Variants in DAB1 observed in about 807,000 individuals in gnomAD.
DAB1 encodes the protein disabled homolog 1.
DAB1 carries 15 observed loss-of-function variants against 64.6 expected under a neutral mutation model. That is an observed-to-expected ratio of 0.23 (90% CI 0.16 to 0.36). The LOEUF (loss-of-function observed/expected upper bound fraction) is 0.36. Among genes scored for constraint, DAB1 ranks in the 10% least tolerant of loss-of-function variants. The pLI, the probability that DAB1 is intolerant of heterozygous loss-of-function variation, is 1.00. For missense variants in DAB1, 596 were observed against 706.7 expected, an observed-to-expected ratio of 0.84 and a Z score of 1.78; for synonymous variants, 235 against 251.9, an observed-to-expected ratio of 0.93 and a Z score of 0.64.
intron 14 of DAB1, among the ~76,000 whole-genome samples, chr1:57,002,052 C>G (rs41286858): frequency 0.013 from 1,913 of 152,310 alleles, 32 homozygotes; most frequent in Middle Eastern, 0.024. Flanking sequence ...AGTAAATGAA[C>G]AGTTCTCTTC....
intron 4 of DAB1, among the ~76,000 whole-genome samples, chr1:58,246,434 A>C (rs1660531689): frequency 6.6e-6 from 1 of 152,230 alleles, no homozygotes; most frequent in African/African-American, 2.4e-5. Flanking sequence ...TGTCACTTTT[A>C]AGATGGATCC....
chr1:58,008,484 A>G (rs1185668921), intron 5 of DAB1, among the ~76,000 whole-genome samples: 1 of 152,124 alleles, frequency 6.6e-6, no homozygotes, highest in Non-Finnish European at 1.5e-5. Flanking sequence ...GTATATAGCA[A>G]TTAACATTAA....
At chr1:58,364,490 G>T (rs1644197211) in intron 3 of DAB1, among the ~76,000 whole-genome samples, 1 of 152,172 alleles carries the variant, frequency 6.6e-6, no homozygotes, top group African/African-American at 2.4e-5. Context: ...AAGGATGGTT[G>T]GTTTGGAACC....
At chr1:57,618,731 A>T (rs1047714562) in intron 7 of DAB1, among the ~76,000 whole-genome samples, 1 of 127,574 alleles carries the variant, frequency 7.8e-6, no homozygotes, top group Admixed American at 8.8e-5. Context: ...TTACACAGAT[A>T]ATAGCATTAC....
At chr1:57,604,273 T>G (rs1558532842) in intron 7 of DAB1, among the ~76,000 whole-genome samples, 1 of 152,228 alleles carries the variant, frequency 6.6e-6, no homozygotes, top group South Asian at 2.1e-4. Context: ...CATCCTCATT[T>G]GTGAAACCGA....
chr1:58,484,337 A>G (rs1179736234), intron 3 of DAB1, among the ~76,000 whole-genome samples: 1 of 152,246 alleles, frequency 6.6e-6, no homozygotes, highest in East Asian at 1.9e-4. Context: ...CACCCAAAAT[A>G]GAATGATCTG....
chr1:57,462,740 T>A (rs1686828060), intron 7 of DAB1, among the ~76,000 whole-genome samples: 1 of 151,652 alleles, frequency 6.6e-6, no homozygotes, highest in Non-Finnish European at 1.5e-5. Flanking sequence ...AACTTAAGAG[T>A]TTTTCAGGTC....
At chr1:58,118,609 CAT>C (rs774322526) in intron 5 of DAB1, among the ~76,000 whole-genome samples, 44,285 of 108,360 alleles carry the variant, frequency 0.41, 9,341 homozygotes, top group East Asian at 0.8. Context: ...TATATATATA[CAT>C]ATATATATAT....
At chr1:57,993,399 A>C (rs1245800091) in intron 5 of DAB1, among the ~76,000 whole-genome samples, 1 of 152,230 alleles carries the variant, frequency 6.6e-6, no homozygotes, top group African/African-American at 2.4e-5. Flanking sequence ...ATCAGTCAGT[A>C]ATCTGCTGCC....
intron 1 of DAB1, among the ~76,000 whole-genome samples, chr1:57,416,066 C>T (rs1051484938): frequency 1.9e-4 from 29 of 152,158 alleles, no homozygotes; most frequent in South Asian, 2.1e-4. Context: ...AAGCTTCCTC[C>T]GGTGAGCCTG....
chr1:57,902,142 G>A (rs1490332563), intron 5 of DAB1, among the ~76,000 whole-genome samples: 4 of 138,150 alleles, frequency 2.9e-5, no homozygotes, highest in Admixed American at 7.8e-5. Context: ...GATCGACGGA[G>A]TGAGATCTTG....
chr1:57,318,488 T>C (rs1477613648), intron 1 of DAB1, among the ~76,000 whole-genome samples: 1 of 152,074 alleles, frequency 6.6e-6, no homozygotes, highest in Non-Finnish European at 1.5e-5. Context: ...GCCAGGCAAG[T>C]TCCTACTCAG....
At chr1:57,719,445 G>GTGATAT (rs1189080322) in intron 6 of DAB1, among the ~76,000 whole-genome samples, 1 of 152,156 alleles carries the variant, frequency 6.6e-6, no homozygotes, top group East Asian at 1.9e-4. Flanking sequence ...AAGTTCCTCA[G>GTGATAT]TGATATTGTT....
At chr1:57,547,088 C>G (rs1271038056) in intron 7 of DAB1, among the ~76,000 whole-genome samples, 1 of 150,000 alleles carries the variant, frequency 6.7e-6, no homozygotes, top group Admixed American at 6.6e-5. Context: ...GAAGTGAGAC[C>G]AAGAGAAAAA....
intron 7 of DAB1, among the ~76,000 whole-genome samples, chr1:57,616,631 T>G (rs1270687699): frequency 6.6e-6 from 1 of 152,172 alleles, no homozygotes; most frequent in African/African-American, 2.4e-5. Flanking sequence ...TTCCTACAGA[T>G]CACCTGCTCT....
intron 5 of DAB1, among the ~76,000 whole-genome samples, chr1:57,931,882 C>G (rs1342724708): frequency 6.6e-6 from 1 of 151,940 alleles, no homozygotes; most frequent in Non-Finnish European, 1.5e-5. Flanking sequence ...TTCCTTTCTT[C>G]TGCTTAATTT....
intron 1 of DAB1, among the ~76,000 whole-genome samples, chr1:57,411,714 A>G (rs1684129246): frequency 6.6e-6 from 1 of 152,106 alleles, no homozygotes; most frequent in African/African-American, 2.4e-5. Flanking sequence ...CCGCATCCCC[A>G]CTGGCCCATT....
At chr1:57,259,490 A>G (rs1670017292) in intron 2 of DAB1, among the ~76,000 whole-genome samples, 1 of 152,188 alleles carries the variant, frequency 6.6e-6, no homozygotes, top group African/African-American at 2.4e-5. Flanking sequence ...AGAGAGGAAG[A>G]AGACTATTCC....
At chr1:58,049,396 T>A in intron 5 of DAB1, 1 of 496,062 alleles carries the variant, frequency 2.0e-6, no homozygotes, top group Non-Finnish European at 3.7e-6. Flanking sequence ...TTTTTGCACT[T>A]CTTTCCGATA....
Sources: gnomAD v4.1 joint callset for allele counts (sites outside exome capture counted in the v4.1 genomes callset) on GRCh38, gnomAD v4.1.1 for gene constraint, MANE v1.5 for transcripts, NCBI Gene and HGNC (gene_info 2026-07-23, HGNC 2026-07-21) for gene names.